PCDHA2: variants seen among roughly 807,000 people sequenced by gnomAD.
PCDHA2 encodes protocadherin alpha 2.
Under a neutral mutation model 66.0 loss-of-function variants are expected in PCDHA2, and 58 were observed. That is an observed-to-expected ratio of 0.88 (90% CI 0.71 to 1.09). The LOEUF is 1.09. Among genes scored for constraint, PCDHA2 ranks in the 50% least tolerant of loss-of-function variants. The pLI, the probability that PCDHA2 is intolerant of heterozygous loss-of-function variation, is 0.00. For missense variants in PCDHA2, 1,267 were observed against 1,242.3 expected (o/e 1.02, Z -0.30); for synonymous variants, 634 against 554.0 (o/e 1.14, Z -2.03).
chr5:140,860,414 C>T (rs1180297544), intron 1 of PCDHA2: 1 of 152,016 alleles, frequency 6.6e-6, no homozygotes, highest in Non-Finnish European at 1.5e-5. Flanking sequence ...ATAGTAACAC[C>T]ATTATCCTGC....
intron 1 of PCDHA2, chr5:140,882,727 A>G (rs1554175345): frequency 6.2e-7 from 1 of 1,614,250 alleles, no homozygotes. Context: ...CTCGATTTCC[A>G]CTAGATGGCG....
At chr5:140,817,454 C>A (rs1450053656) in intron 1 of PCDHA2, 1 of 152,226 alleles carries the variant, frequency 6.6e-6, no homozygotes, top group Non-Finnish European at 1.5e-5. Flanking sequence ...ATAACAGCAT[C>A]TTGCTGATGT....
At chr5:140,928,374 C>A in intron 1 of PCDHA2, 1 of 1,614,172 alleles carries the variant, frequency 6.2e-7, no homozygotes, top group Non-Finnish European at 8.5e-7. Context: ...GGCCATCAGC[C>A]TCTAGCTTGC....
At chr5:140,850,961 G>A in intron 1 of PCDHA2, 1 of 1,476,304 alleles carries the variant, frequency 6.8e-7, no homozygotes, top group Non-Finnish European at 9.1e-7. Flanking sequence ...TACTCCCAGG[G>A]GCCGTTCAAA....
At position 140,843,279 on chromosome 5, in the gene PCDHA2, A is replaced by T. The variant is rs1778750894; in HGVS notation, c.2388+45927A>T. 3.8e-6 allele frequency: 6 copies of T among 1,595,936 alleles called. 2 individuals carry two copies. Among genetic ancestry groups the T allele is most frequent in the Non-Finnish European group, 4.3e-6 (5 of 1,165,554 alleles). On this transcript the variant is annotated intron_variant, in intron 1 of 3. Coordinates refer to ENST00000526136, the MANE Select transcript of PCDHA2 (RefSeq NM_018905.3). ...CACCGTCTGCTGGTCCTGGTGAAGGATCATGGTGAACCTGCGCTGACCGCC... is the reference window on the plus strand; with the variant it reads ...CACCGTCTGCTGGTCCTGGTGAAGGTTCATGGTGAACCTGCGCTGACCGCC...
intron 3 of PCDHA2, among the ~76,000 whole-genome samples, chr5:141,005,306 C>T (rs1563689503): frequency 6.6e-6 from 1 of 152,158 alleles, no homozygotes; most frequent in Non-Finnish European, 1.5e-5. Context: ...CTTTGTGAAT[C>T]TTACAGTGGT....
intron 1 of PCDHA2, among the ~76,000 whole-genome samples, chr5:140,926,099 T>C (rs1364046229): frequency 6.6e-6 from 1 of 152,162 alleles, no homozygotes; most frequent in Non-Finnish European, 1.5e-5. Context: ...GCTCCTGGGA[T>C]ACAAGAGGGT....
At chr5:140,850,587 G>A in intron 1 of PCDHA2, 1 of 1,598,490 alleles carries the variant, frequency 6.3e-7, no homozygotes, top group South Asian at 1.1e-5. Flanking sequence ...GGATGTCAAC[G>A]TGTACCTGAT....
chr5:140,856,465 C>G (rs2044013823), intron 1 of PCDHA2: 1 of 1,598,234 alleles, frequency 6.3e-7, no homozygotes, highest in Non-Finnish European at 8.6e-7. Flanking sequence ...AACAAAAGCT[C>G]TCAATACCTG....
intron 1 of PCDHA2, among the ~76,000 whole-genome samples, chr5:140,962,009 G>C (rs545144318): frequency 1.3e-4 from 19 of 151,596 alleles, no homozygotes; most frequent in African/African-American, 3.6e-4. Flanking sequence ...TCAGCTTCCC[G>C]AGTAGCTGGG....
chr5:140,971,161 C>T (rs189213416), intron 1 of PCDHA2, among the ~76,000 whole-genome samples: 1 of 152,292 alleles, frequency 6.6e-6, no homozygotes, highest in Non-Finnish European at 1.5e-5. Flanking sequence ...CCAGGCTCAG[C>T]TTTGCCACCA....
At chr5:140,859,400 G>T in intron 1 of PCDHA2, 1 of 258,574 alleles carries the variant, frequency 3.9e-6, no homozygotes, top group South Asian at 8.7e-5. Context: ...CTTAAACAGG[G>T]TTGGGTTAGA....
intron 3 of PCDHA2, among the ~76,000 whole-genome samples, chr5:140,987,604 T>G (rs2097261353): frequency 6.6e-6 from 1 of 152,222 alleles, no homozygotes; most frequent in Admixed American, 6.5e-5. Context: ...GTCTACCTTA[T>G]AGGGTTCTTG....
At chr5:140,802,558 C>T (rs1314796100) in intron 1 of PCDHA2, 7 of 1,614,078 alleles carry the variant, frequency 4.3e-6, no homozygotes, top group Non-Finnish European at 5.9e-6. Context: ...AATGCGCCGG[C>T]ATTCTCGCAG....
chr5:140,806,622 C>T (rs913788240), intron 1 of PCDHA2, among the ~76,000 whole-genome samples: 2 of 138,992 alleles, frequency 1.4e-5, no homozygotes. Flanking sequence ...AAGTCAACAA[C>T]ACCAGAAATA....
At chr5:140,833,988 T>C (rs1772754266) in intron 1 of PCDHA2, among the ~76,000 whole-genome samples, 1 of 152,186 alleles carries the variant, frequency 6.6e-6, no homozygotes, top group African/African-American at 2.4e-5. Context: ...TTCTAAGGCA[T>C]GAGGAAGCTA....
rs2084561103 is a variant in PCDHA2 at position 140,927,726 on chromosome 5, A to G, written c.2389-51223A>G. On this transcript the variant is annotated intron_variant, in intron 1 of 3. Transcript: ENST00000526136. ...ACTCCCTAAGCAACAGCACGCAAGCAGAGCTGCGACACCGCTTTCACGTGC... is the reference window on the plus strand; with the variant it reads ...ACTCCCTAAGCAACAGCACGCAAGCGGAGCTGCGACACCGCTTTCACGTGC... 6 of 1,614,220 alleles carry G rather than the reference A, an allele frequency of 3.7e-6. No individual in the cohort carries two copies. The African/African-American group carries it at 8.0e-5, about 22-fold the overall frequency.
intron 3 of PCDHA2, among the ~76,000 whole-genome samples, chr5:141,005,701 CAAAAAAA>C (rs59860837): frequency 1.3e-4 from 1 of 7,786 alleles, no homozygotes; most frequent in African/African-American, 4.7e-4. Context: ...AACTCCGTCT[CAAAAAAA>C]AAAAAAAAAA....
chr5:140,855,215 A>G (rs1201048316), intron 1 of PCDHA2, among the ~76,000 whole-genome samples: 8 of 150,030 alleles, frequency 5.3e-5, no homozygotes, highest in East Asian at 1.9e-4. Context: ...CCATTTATGA[A>G]GCACTCATTC....
Sources: gnomAD v4.1 joint callset for allele counts (sites outside exome capture counted in the v4.1 genomes callset) on GRCh38, gnomAD v4.1.1 for gene constraint, MANE v1.5 for transcripts, NCBI Gene and HGNC (gene_info 2026-07-23, HGNC 2026-07-21) for gene names.